CFAP54: variants seen among roughly 807,000 people sequenced by gnomAD.
The protein encoded by CFAP54 is cilia and flagella associated protein 54.
A neutral mutation model predicts 370.4 loss-of-function variants in CFAP54; 290 were observed. The observed-to-expected ratio is 0.78, with a 90% CI of 0.71 to 0.86. CFAP54 has a LOEUF of 0.86. Among genes scored for constraint, CFAP54 ranks in the 40% least tolerant of loss-of-function variants. The pLI, the probability that CFAP54 is intolerant of heterozygous loss-of-function variation, is 0.00. For missense variants in CFAP54, 3,399 were observed against 3,528.7 expected (o/e 0.96, Z 0.93); for synonymous variants, 1,206 against 1,236.5 (o/e 0.98, Z 0.52).
chr12:96,621,663 C>T lies in CFAP54; in HGVS notation c.3713C>T (p.Thr1238Ile), dbSNP rs756364432. The change falls in exon 27 of 68, where the codon ACA becomes ATA. Residue 1238 changes from threonine (T) to isoleucine (I), a missense_variant. Coordinates refer to ENST00000524981, the MANE Select transcript of CFAP54 (RefSeq NM_001306084.2). ...INYGKKMLDITPGCKSLFDGS... is the reference protein window; with the variant it reads ...INYGKKMLDIIPGCKSLFDGS... Reference sequence around the variant, plus strand: ...TATGGGAAAAAAATGTTGGACATCACACCAGGATGCAAGTCTCTGTTTGAT... The same window carrying T: ...TATGGGAAAAAAATGTTGGACATCATACCAGGATGCAAGTCTCTGTTTGAT... 9 of 1,529,048 alleles carry T rather than the reference C, an allele frequency of 5.9e-6. 1 individual carries two copies. The South Asian group carries it at 9.7e-5, about 16-fold the overall frequency. The allele number at this position is 1,529,048 out of a possible 1,614,324, so 94.7% of individuals were successfully genotyped here.
intron 19 of CFAP54, among the ~76,000 whole-genome samples, chr12:96,570,682 T>C (rs1346478592): frequency 6.6e-6 from 1 of 152,218 alleles, no homozygotes; most frequent in Non-Finnish European, 1.5e-5. Context: ...ATTCAAGTAA[T>C]GATGCATATA....
chr12:96,679,877 C>A, intron 40 of CFAP54, 125 bp downstream of exon 40: 1 of 926,886 alleles, frequency 1.1e-6, no homozygotes, highest in Non-Finnish European at 1.6e-6. Flanking sequence ...ATGCCTTTCA[C>A]TTTCCTCTTG....
In CFAP54 at chr12:96,789,665, A is replaced by C. The variant is rs184731446; in HGVS notation, c.8680-2664A>C. On this transcript the variant is annotated intron_variant, in intron 62 of 67. Transcript: ENST00000524981. ...ACCCATTTCCTAAAGATTATGCTCC[A>C]AATGTTCAAGCTTGAATACGTTGTA... Among the ~76,000 whole-genome samples, 712 of 152,346 alleles carry C rather than the reference A, an allele frequency of 4.7e-3. 3 individuals are homozygous for C. The highest frequency in any genetic ancestry group is 0.012 in the South Asian group (59 of 4,824).
At chr12:96,797,827 C>A (rs769202915) in intron 63 of CFAP54, among the ~76,000 whole-genome samples, 21 of 152,108 alleles carry the variant, frequency 1.4e-4, no homozygotes, top group South Asian at 6.2e-4. Context: ...TACCTTCTGA[C>A]TGAATAATCC....
intron 66 of CFAP54, among the ~76,000 whole-genome samples, chr12:96,854,214 A>T (rs1157530670): frequency 6.6e-6 from 1 of 152,182 alleles, no homozygotes; most frequent in Non-Finnish European, 1.5e-5. Flanking sequence ...TAGCAAAGAG[A>T]TACAACCATA....
At chr12:96,709,658 T>G (rs1338503974) in intron 48 of CFAP54, among the ~76,000 whole-genome samples, 1 of 151,744 alleles carries the variant, frequency 6.6e-6, no homozygotes, top group Non-Finnish European at 1.5e-5. Context: ...TTTGGTCGTT[T>G]AACCAACCTT....
At position 96,699,892 on chromosome 12, in the gene CFAP54, A is replaced by G. The variant is rs74519651; in HGVS notation, c.6352-79A>G. The G allele has an allele frequency of 3.3e-3, 4,034 of 1,222,388 alleles. 14 individuals are homozygous for G. The highest frequency in any genetic ancestry group is 9.8e-3 in the Middle Eastern group (34 of 3,478). The allele number at this position is 1,222,388 out of a possible 1,614,324, so 75.7% of individuals were successfully genotyped here. A position where few individuals can be genotyped will look rare whatever the true frequency, so the allele number is the denominator to read the frequency against. On this transcript the variant is annotated intron_variant, in intron 45 of 67. Coordinates refer to ENST00000524981, the MANE Select transcript of CFAP54 (RefSeq NM_001306084.2). Reference sequence around the variant, plus strand: ...AGAAACTTTGGATCTCAGAAAGTTGACGATTTTCTCTATACTTTTGTTTTC... The same window carrying G: ...AGAAACTTTGGATCTCAGAAAGTTGGCGATTTTCTCTATACTTTTGTTTTC...
At chr12:96,704,226 G>T (rs1206251427) in intron 46 of CFAP54, among the ~76,000 whole-genome samples, 1 of 151,796 alleles carries the variant, frequency 6.6e-6, no homozygotes, top group Non-Finnish European at 1.5e-5. Context: ...AGGATATCAA[G>T]ACCATCCTGG....
rs1361736783 is a variant in CFAP54 at position 96,489,771 on chromosome 12, C to G, written c.162C>G (p.Asp54Glu). The G allele has an allele frequency of 6.5e-7, 1 of 1,536,136 alleles. No homozygotes were observed. Among genetic ancestry groups the G allele is most frequent in the Non-Finnish European group, 8.7e-7 (1 of 1,146,916 alleles). ...SSLLQWTCPE[D>E]SLPLAVFYGP... is the part of the protein sequence containing the mutation. ...TGCTTCAGTGGACCTGCCCCGAGGA[C>G]TCATTGCCCCTAGCCGTGTTTTATG... Residue 54 changes from aspartate (D) to glutamate (E), a missense_variant, in exon 1 of 68, where the codon GAC (aspartate) becomes GAG (glutamate). Around this residue, in one of 3 missense-constraint regions of CFAP54, gnomAD observed 559 missense variants for 576.7 expected, o/e 0.97. Transcript: ENST00000524981.
At chr12:96,559,795 A>G (rs888871634) in intron 17 of CFAP54, among the ~76,000 whole-genome samples, 1 of 152,050 alleles carries the variant, frequency 6.6e-6, no homozygotes, top group Non-Finnish European at 1.5e-5. Flanking sequence ...CCATAATACC[A>G]TTATCACTCT....
At chr12:96,786,267 G>A (rs1958628064) in intron 61 of CFAP54, among the ~76,000 whole-genome samples, 1 of 147,296 alleles carries the variant, frequency 6.8e-6, no homozygotes, top group Admixed American at 6.9e-5. Flanking sequence ...TGCAACCTTC[G>A]CCTCCTGGGT....
intron 63 of CFAP54, among the ~76,000 whole-genome samples, chr12:96,794,438 TC>T (rs1958736212): frequency 7.6e-6 from 1 of 132,066 alleles, no homozygotes; most frequent in Non-Finnish European, 1.7e-5. Flanking sequence ...CTTTTTTTAT[TC>T]TTTTTTTTTT....
At chr12:96,855,715 C>T (rs987530432) in intron 66 of CFAP54, among the ~76,000 whole-genome samples, 4 of 152,366 alleles carry the variant, frequency 2.6e-5, no homozygotes, top group African/African-American at 4.8e-5. Context: ...TATAGCCCCC[C>T]TCTTGGGTGC....
intron 3 of CFAP54, 42 bp from the exon 4 acceptor site, chr12:96,506,886 C>T (rs1181763567): frequency 6.7e-7 from 1 of 1,487,546 alleles, no homozygotes; most frequent in East Asian, 2.5e-5. Flanking sequence ...TGTTCCTGGC[C>T]AGTTATTTCT....
rs1391737571 is a variant in CFAP54 at position 96,538,706 on chromosome 12, C to T, written c.1926+188C>T. On this transcript the variant is annotated intron_variant, in intron 13 of 67. Transcript: ENST00000524981. ...CCTTTCTTTTAATGTGTGTTCCCTG[C>T]ACTCCTGTTCTAATTTTGTTTGTTG... is the stretch of plus-strand genomic sequence containing the variant. 3 of 583,592 alleles carry T rather than the reference C, an allele frequency of 5.1e-6. No homozygotes were observed. The African/African-American group carries it at 5.7e-5, about 11-fold the overall frequency. 36.2% of individuals were successfully genotyped at this position (583,592 alleles called of 1,614,324 possible).
chr12:96,825,317 T>C lies in CFAP54; in HGVS notation c.9097-3697T>C, dbSNP rs1013529836. 2.2e-3 allele frequency among the ~76,000 whole-genome samples: 286 copies of C among 127,908 alleles called. 4 individuals are homozygous for C. The East Asian group carries it at 0.033, about 15-fold the overall frequency. 83.9% of individuals were successfully genotyped at this position (127,908 alleles called of 152,430 possible). On this transcript the variant is annotated intron_variant, in intron 65 of 67. Coordinates refer to ENST00000524981, the MANE Select transcript of CFAP54 (RefSeq NM_001306084.2). The stretch of plus-strand genomic sequence containing the variant: ...ATAATATATTATATATATAATATAA[T>C]ATATATTATATAACATGTTATATAT...
At chr12:96,562,136 CCTT>C (rs1042868596) in intron 17 of CFAP54, among the ~76,000 whole-genome samples, 57 of 152,158 alleles carry the variant, frequency 3.7e-4, no homozygotes, top group African/African-American at 1.4e-3. Context: ...TTTCTCCTCA[CCTT>C]CTCCATTTTT....
intron 48 of CFAP54, among the ~76,000 whole-genome samples, chr12:96,709,701 T>TTTTTTATTATTATTA (rs145639086): frequency 1.4e-5 from 2 of 144,072 alleles, no homozygotes; most frequent in South Asian, 2.3e-4. Context: ...TTGATCATGG[T>TTTTTTATTATTATTA]TTATTATTAT....
chr12:96,799,291 T>A (rs138609886), intron 63 of CFAP54, among the ~76,000 whole-genome samples: 1 of 152,364 alleles, frequency 6.6e-6, no homozygotes, highest in Non-Finnish European at 1.5e-5. Context: ...CTTTGATTGC[T>A]GCTTTGTGTA....
Sources: allele counts gnomAD v4.1 joint callset (sites outside exome capture counted in the v4.1 genomes callset), GRCh38; gene constraint gnomAD v4.1.1; regional missense constraint gnomAD v4.1.1; transcripts MANE v1.5; gene names NCBI Gene and HGNC (gene_info 2026-07-23, HGNC 2026-07-21).